Variants in CFTR observed in about 807,000 individuals in gnomAD.
CFTR encodes CF transmembrane conductance regulator, also known as cystic fibrosis transmembrane conductance regulator.
Under a neutral mutation model 171.6 loss-of-function variants are expected in CFTR, and 181 were observed. That is an observed-to-expected ratio of 1.05 (90% CI 0.93 to 1.19). The LOEUF (loss-of-function observed/expected upper bound fraction) is 1.19, where lower values mean the gene tolerates loss of function less well. Among genes scored for constraint, CFTR ranks in the 50% most tolerant of loss-of-function variants. The pLI is 0.00. For missense variants in CFTR, 1,968 were observed against 1,734.7 expected (o/e 1.13, Z -2.39); for synonymous variants, 583 against 608.0 (o/e 0.96, Z 0.60).
intron 1 of CFTR, among the ~76,000 whole-genome samples, chr7:117,481,961 G>C (rs1289435621): frequency 6.6e-6 from 1 of 152,158 alleles, no homozygotes; most frequent in Non-Finnish European, 1.5e-5. Flanking sequence ...TTTGGAGACT[G>C]TCATAGGGGT....
chr7:117,488,774 T>A (rs1798112601), intron 1 of CFTR, among the ~76,000 whole-genome samples: 1 of 152,142 alleles, frequency 6.6e-6, no homozygotes, highest in African/African-American at 2.4e-5. Context: ...AGTGATTTTG[T>A]ATAACATTTA....
At chr7:117,545,078 TCA>T (rs1799116926) in intron 9 of CFTR, among the ~76,000 whole-genome samples, 1 of 152,226 alleles carries the variant, frequency 6.6e-6, no homozygotes, top group Admixed American at 6.5e-5. Context: ...TTTGAGGGAC[TCA>T]CAGTTCCATG....
chr7:117,587,607 G>A (rs1791959470), intron 11 of CFTR, 132 bp from the exon 12 acceptor site: 1 of 613,872 alleles, frequency 1.6e-6, no homozygotes. Context: ...TAATGGAGAT[G>A]CAATGTTCAA....
intron 11 of CFTR, among the ~76,000 whole-genome samples, chr7:117,585,886 T>G (rs1791925737): frequency 6.6e-6 from 1 of 152,060 alleles, no homozygotes; most frequent in South Asian, 2.1e-4. Context: ...ATCTCAAGCA[T>G]TTCTCCCACC....
At chr7:117,596,934 A>G (rs1324497323) in intron 15 of CFTR, among the ~76,000 whole-genome samples, 2 of 152,200 alleles carry the variant, frequency 1.3e-5, no homozygotes, top group African/African-American at 2.4e-5. Flanking sequence ...TGTCTAGCTC[A>G]GGGATTGTAA....
chr7:117,510,028 G>GA (rs1241098988), intron 3 of CFTR, among the ~76,000 whole-genome samples: 1 of 152,062 alleles, frequency 6.6e-6, no homozygotes, highest in Non-Finnish European at 1.5e-5. Context: ...ACACCCCCAT[G>GA]AAAAATACAT....
chr7:117,533,302 A>C (rs1320030998), intron 4 of CFTR, among the ~76,000 whole-genome samples: 1 of 152,062 alleles, frequency 6.6e-6, no homozygotes, highest in Non-Finnish European at 1.5e-5. Context: ...TACACTATTT[A>C]TTATTCTACA....
At chr7:117,615,613 A>G (rs1792473994) in intron 21 of CFTR, among the ~76,000 whole-genome samples, 1 of 151,810 alleles carries the variant, frequency 6.6e-6, no homozygotes. Flanking sequence ...GTGTGTACAA[A>G]GACCACATTT....
intron 24 of CFTR, among the ~76,000 whole-genome samples, chr7:117,653,957 A>G (rs1020025737): frequency 6.6e-6 from 1 of 152,218 alleles, no homozygotes; most frequent in African/African-American, 2.4e-5. Context: ...TTCAAAAAAG[A>G]GAAATAGAAA....
At chr7:117,549,436 A>G (rs1799231151) in intron 10 of CFTR, among the ~76,000 whole-genome samples, 1 of 152,172 alleles carries the variant, frequency 6.6e-6, no homozygotes, top group Admixed American at 6.6e-5. Flanking sequence ...TAGAAAGAAA[A>G]AACAGCAAAA....
chr7:117,633,816 T>C (rs1792786825), intron 22 of CFTR, among the ~76,000 whole-genome samples: 1 of 152,128 alleles, frequency 6.6e-6, no homozygotes, highest in Non-Finnish European at 1.5e-5. Flanking sequence ...GATTTTTGAA[T>C]GCTGAATCAA....
chr7:117,590,391 C>T lies in CFTR; in HGVS notation c.1718C>T (p.Ser573Phe), dbSNP rs772223589. Residue 573 changes from serine to phenylalanine, a missense_variant, in exon 13 of 27, where the codon TCT becomes TTT. Coordinates refer to ENST00000003084, the MANE Select transcript of CFTR (RefSeq NM_000492.4). Reference sequence around the variant, plus strand: ...GATGCTGATTTGTATTTATTAGACTCTCCTTTTGGATACCTAGATGTTTTA... The same window carrying T: ...GATGCTGATTTGTATTTATTAGACTTTCCTTTTGGATACCTAGATGTTTTA... ...YKDADLYLLD[S>F]PFGYLDVLTE... 2.9e-5 allele frequency: 46 copies of T among 1,603,310 alleles called. 1 individual carries two copies. Among genetic ancestry groups the T allele is most frequent in the Admixed American group, 1.7e-4 (10 of 59,650 alleles).
rs760732973 is a variant in CFTR, at chr7:117,501,329, C to T, written c.54-2924C>T. ...GTGATCTGCTGCACTTAGCTCTTTC[C>T]AGCTGAGCTGATTTTTAAATTTTCA... On this transcript the variant is annotated intron_variant, in intron 1 of 26. Transcript: ENST00000003084. Among the ~76,000 whole-genome samples, 46 of 152,222 alleles carry T rather than the reference C, an allele frequency of 3.0e-4. 1 individual carries two copies. Among genetic ancestry groups the T allele is most frequent in the South Asian group, 2.9e-3 (14 of 4,816 alleles).
intron 7 of CFTR, among the ~76,000 whole-genome samples, chr7:117,539,002 A>G (rs547334707): frequency 6.6e-6 from 1 of 152,310 alleles, no homozygotes; most frequent in Admixed American, 6.5e-5. Flanking sequence ...GCTTTTCTGA[A>G]TTATACAAGG....
intron 21 of CFTR, among the ~76,000 whole-genome samples, chr7:117,621,704 A>G (rs1441745284): frequency 6.6e-6 from 1 of 152,172 alleles, no homozygotes; most frequent in African/African-American, 2.4e-5. Flanking sequence ...GTGAGAAGGT[A>G]TTTTGATTTG....
intron 1 of CFTR, among the ~76,000 whole-genome samples, chr7:117,488,720 A>G (rs898121172): frequency 1.3e-5 from 2 of 152,090 alleles, no homozygotes; most frequent in African/African-American, 4.8e-5. Flanking sequence ...CTCTCCCATA[A>G]ATACAAAGAA....
chr7:117,518,810 T>A (rs975349446), intron 3 of CFTR, among the ~76,000 whole-genome samples: 1 of 152,194 alleles, frequency 6.6e-6, no homozygotes, highest in African/African-American at 2.4e-5. Context: ...TCTGTATATA[T>A]GCTATAAGCA....
rs184720247 is a variant in CFTR, at chr7:117,616,710, G to A, written c.3468+1997G>A. ...TGCCTTTCATCTTGTGGCATTGAAG[G>A]ATCTTTGCAAGGACCTATTGTGTTA... On this transcript the variant is annotated intron_variant, in intron 21 of 26. Coordinates refer to ENST00000003084, the MANE Select transcript of CFTR (RefSeq NM_000492.4). Among the ~76,000 whole-genome samples, 13 of 152,130 alleles carry A rather than the reference G, an allele frequency of 8.5e-5. 1 individual carries two copies. The East Asian group carries it at 2.5e-3, about 29-fold the overall frequency.
At chr7:117,550,153 T>C (rs1799244056) in intron 10 of CFTR, among the ~76,000 whole-genome samples, 1 of 151,932 alleles carries the variant, frequency 6.6e-6, no homozygotes, top group African/African-American at 2.4e-5. Context: ...GTGGGCAACA[T>C]GGCAAACCCC....
Sources: allele counts gnomAD v4.1 joint callset (sites outside exome capture counted in the v4.1 genomes callset), GRCh38; gene constraint gnomAD v4.1.1; transcripts MANE v1.5; gene names NCBI Gene and HGNC (gene_info 2026-07-23, HGNC 2026-07-21).